AVL9: variants seen among roughly 807,000 people sequenced by gnomAD.
AVL9 encodes the protein AVL9 cell migration associated, also known as late secretory pathway protein AVL9 homolog.
Under a neutral mutation model 79.2 loss-of-function variants are expected in AVL9, and 49 were observed. That is an observed-to-expected ratio of 0.62 (90% CI 0.49 to 0.79). The LOEUF is 0.79. Among genes scored for constraint, AVL9 ranks in the 30% least tolerant of loss-of-function variants. AVL9 has a pLI of 0.00. For synonymous variants in AVL9, 299 were observed against 280.6 expected (o/e 1.07, Z -0.65); for missense variants, 682 against 776.8 (o/e 0.88, Z 1.45).
chr7:32,514,391 C>T (rs568743038), intron 1 of AVL9, among the ~76,000 whole-genome samples: 1 of 152,344 alleles, frequency 6.6e-6, no homozygotes, highest in African/African-American at 2.4e-5. Flanking sequence ...TTTAACAAAG[C>T]ACATCCTGCA....
rs998933122 is a variant in AVL9 at position 32,588,457 on chromosome 7, A to C, written c.*4550A>C. Reference sequence around the variant, plus strand: ...ATATTTATGATTAAAGGCTTTTCACAAACCTTTTTAAAGAAAATTTAGCTG... The same window carrying C: ...ATATTTATGATTAAAGGCTTTTCACCAACCTTTTTAAAGAAAATTTAGCTG... On this transcript the variant is annotated 3_prime_UTR_variant, in exon 16 of 16. Coordinates refer to ENST00000318709, the MANE Select transcript of AVL9 (RefSeq NM_015060.3). 6.6e-6 allele frequency: 1 copy of C among 152,222 alleles called. No homozygotes were observed. The highest frequency in any genetic ancestry group is 1.9e-4 in the East Asian group (1 of 5,204). The allele number at this position is 152,222 out of a possible 1,614,324, so 9.4% of individuals were successfully genotyped here. A position where few individuals can be genotyped will look rare whatever the true frequency, so the allele number is the denominator to read the frequency against.
intron 1 of AVL9, among the ~76,000 whole-genome samples, chr7:32,500,814 T>G (rs1787096848): frequency 6.6e-6 from 1 of 152,182 alleles, no homozygotes; most frequent in South Asian, 2.1e-4. Context: ...TAGTTTCAGT[T>G]TTCTGCATAT....
Position 32,559,426 on chromosome 7 carries a change from G to A in AVL9, c.1177G>A (p.Glu393Lys), listed in dbSNP as rs747284191. The A allele has an allele frequency of 6.2e-7, 1 of 1,603,310 alleles. No homozygotes were observed. Among genetic ancestry groups the A allele is most frequent in the African/African-American group, 1.3e-5 (1 of 74,722 alleles). ...ACCAGGGCTCATTTCGGGTTTGGAAGAGGATCAGTATGGCATGCCCCTGGC... is the reference window on the plus strand; with the variant it reads ...ACCAGGGCTCATTTCGGGTTTGGAAAAGGATCAGTATGGCATGCCCCTGGC... ...LIPGLISGLEEDQYGMPLAIF... is the reference protein window; with the variant it reads ...LIPGLISGLEKDQYGMPLAIF... Residue 393 changes from glutamate to lysine, a missense_variant, in exon 10 of 16, where the codon GAG becomes AAG. Transcript: ENST00000318709.
intron 2 of AVL9, 91 bp downstream of exon 2, chr7:32,543,352 C>T: frequency 6.9e-7 from 1 of 1,449,176 alleles, no homozygotes. Context: ...AATTAAAGGC[C>T]TTCAGCCTGT....
intron 1 of AVL9, among the ~76,000 whole-genome samples, chr7:32,496,946 TA>T (rs1292068009): frequency 1.3e-5 from 2 of 152,072 alleles, no homozygotes; most frequent in African/African-American, 4.8e-5. Context: ...ACAAAAAAAT[TA>T]AAAAATTAGT....
intron 1 of AVL9, among the ~76,000 whole-genome samples, chr7:32,523,269 G>GA (rs34028975): frequency 0.15 from 22,933 of 148,210 alleles, 1,761 homozygotes; most frequent in East Asian, 0.18. Context: ...AGATTAAGGG[G>GA]AAAAAAAAAA....
At chr7:32,525,345 T>A (rs1445801909) in intron 1 of AVL9, among the ~76,000 whole-genome samples, 1 of 152,158 alleles carries the variant, frequency 6.6e-6, no homozygotes, top group Non-Finnish European at 1.5e-5. Context: ...ACCAAGACTT[T>A]CACTAGAATA....
At chr7:32,511,593 T>C (rs1450359511) in intron 1 of AVL9, among the ~76,000 whole-genome samples, 1 of 151,800 alleles carries the variant, frequency 6.6e-6, no homozygotes, top group African/African-American at 2.4e-5. Flanking sequence ...TGGAAAGGGG[T>C]GCCTGACGAG....
chr7:32,535,794 T>C (rs1008336118), intron 1 of AVL9: 5 of 152,184 alleles, frequency 3.3e-5, no homozygotes, highest in African/African-American at 1.2e-4. Flanking sequence ...TTGAATTATA[T>C]TCCCCATAAT....
At chr7:32,582,930 C>T (rs1583616946) in intron 15 of AVL9, among the ~76,000 whole-genome samples, 2 of 152,166 alleles carry the variant, frequency 1.3e-5, no homozygotes, top group Non-Finnish European at 2.9e-5. Context: ...GCTAACCACC[C>T]GTCTCGGCTT....
chr7:32,537,046 T>C (rs1788945062), intron 1 of AVL9: 1 of 152,164 alleles, frequency 6.6e-6, no homozygotes. Flanking sequence ...GACTAAACCA[T>C]TGGCCATTGG....
intron 13 of AVL9, among the ~76,000 whole-genome samples, chr7:32,578,367 T>C (rs1230660289): frequency 1.3e-5 from 2 of 152,222 alleles, no homozygotes; most frequent in Non-Finnish European, 2.9e-5. Context: ...GATGCAAATC[T>C]ACCCCCAAAA....
chr7:32,502,687 G>C (rs1419422789), intron 1 of AVL9, among the ~76,000 whole-genome samples: 5 of 151,774 alleles, frequency 3.3e-5, no homozygotes, highest in African/African-American at 1.2e-4. Context: ...CCATTTTTTT[G>C]GTGAAGTTTG....
chr7:32,504,319 T>C (rs1787314882), intron 1 of AVL9, among the ~76,000 whole-genome samples: 1 of 152,226 alleles, frequency 6.6e-6, no homozygotes, highest in Admixed American at 6.5e-5. Context: ...TGTATATATT[T>C]TCAGGAACCT....
At position 32,572,791 on chromosome 7, in the gene AVL9, G is replaced by A. The variant is rs1362251364; in HGVS notation, c.1351-408G>A. Among the ~76,000 whole-genome samples, 11 of 63,328 alleles carry A rather than the reference G, an allele frequency of 1.7e-4. No homozygotes were observed. In the East Asian group the frequency reaches 5.1e-3, roughly 30 times the overall value. 41.5% of individuals were successfully genotyped at this position (63,328 alleles called of 152,430 possible). ...CACTCCAGCCTGGGCGACAGAGCAA[G>A]ACTCCGTCTCAAAAAAAAAAAAAAA... On this transcript the variant is annotated intron_variant, in intron 11 of 15. Coordinates refer to ENST00000318709, the MANE Select transcript of AVL9 (RefSeq NM_015060.3).
At chr7:32,560,795 AAAT>A (rs1386480698) in intron 10 of AVL9, among the ~76,000 whole-genome samples, 4 of 152,222 alleles carry the variant, frequency 2.6e-5, no homozygotes, top group African/African-American at 9.6e-5. Context: ...TGTGTTTCTT[AAAT>A]AATAAGATTT....
intron 1 of AVL9, among the ~76,000 whole-genome samples, chr7:32,518,480 T>TC (rs201234945): frequency 6.6e-6 from 1 of 151,738 alleles, no homozygotes; most frequent in African/African-American, 2.4e-5. Context: ...AAACATTGTT[T>TC]CAAAAAAAAA....
rs1464278766 is a variant in AVL9, at chr7:32,548,918, G to A, written c.372G>A (p.Leu124=). The A allele has an allele frequency of 1.3e-6, 2 of 1,551,186 alleles. No homozygotes were observed. The highest frequency in any genetic ancestry group is 1.3e-5 in the South Asian group (1 of 77,980). ...VQKSVCVLSK[L]PLYGLLQAKL... Reference sequence around the variant, plus strand: ...AAAGTGTCTGTGTTCTAAGCAAGCTGGTAAGAGACGAAGTAACTTGTTCAT... The same window carrying A: ...AAAGTGTCTGTGTTCTAAGCAAGCTAGTAAGAGACGAAGTAACTTGTTCAT... Residue 124 remains leucine, a splice_region_variant and synonymous_variant, in exon 4 of 16, where the codon CTG becomes CTA. Transcript: ENST00000318709.
At chr7:32,537,384 TA>T (rs1327102017) in intron 1 of AVL9, 1 of 151,740 alleles carries the variant, frequency 6.6e-6, no homozygotes, top group Non-Finnish European at 1.5e-5. Context: ...TATAATGTTT[TA>T]AAAAACTAGA....
Sources: gnomAD v4.1 joint callset for allele counts (sites outside exome capture counted in the v4.1 genomes callset) on GRCh38, gnomAD v4.1.1 for gene constraint, MANE v1.5 for transcripts, NCBI Gene and HGNC (gene_info 2026-07-23, HGNC 2026-07-21) for gene names.